The following TBC1D1 variants were observed in gnomAD, a reference collection of about 807,000 sequenced individuals.
TBC1D1 encodes the protein TBC1 (tre-2/USP6, BUB2, cdc16) domain family, member 1.
A neutral mutation model predicts 125.6 loss-of-function variants in TBC1D1; 89 were observed. That is an observed-to-expected ratio of 0.71 (90% confidence interval 0.60 to 0.85). TBC1D1 has a LOEUF of 0.85. TBC1D1 is among the 40% of genes least tolerant of loss of function. The pLI, the probability that TBC1D1 is intolerant of heterozygous loss-of-function variation, is 0.00. For missense variants in TBC1D1, 1,377 were observed against 1,469.2 expected (o/e 0.94, Z 1.03); for synonymous variants, 565 against 564.1 (o/e 1.00, Z -0.02).
At chr4:38,030,438 C>T (rs560082119) in intron 7 of TBC1D1, 5 of 152,368 alleles carry the variant, frequency 3.3e-5, no homozygotes, top group African/African-American at 1.2e-4. Flanking sequence ...AGCCGGCTCT[C>T]GCCTTGTCTT....
At position 37,902,282 on chromosome 4, in the gene TBC1D1, C is replaced by A. The variant is rs1716234603; in HGVS notation, c.187C>A (p.Gln63Lys). The A allele has an allele frequency of 6.2e-7, 1 of 1,614,114 alleles. No individual in the cohort carries two copies. The highest frequency in any genetic ancestry group is 1.1e-5 in the South Asian group (1 of 91,080). Reference sequence around the variant, plus strand: ...CACCAGAAAGGAACCTGTAACCAAGCAAGTCCGGCTTTGCGTTTCACCCTC... The same window carrying A: ...CACCAGAAAGGAACCTGTAACCAAGAAAGTCCGGCTTTGCGTTTCACCCTC... Residue 63 changes from glutamine (Q) to lysine (K), a missense_variant, in exon 2 of 20, where the codon CAA (glutamine) becomes AAA (lysine). By Grantham distance (53) the Gln-to-Lys change is moderately conservative. This residue lies in a region of TBC1D1 where 822 missense variants were observed against 824.6 expected (regional missense o/e 1.00). Transcript: ENST00000261439.
chr4:38,102,696 TA>T (rs1760583460), intron 14 of TBC1D1, among the ~76,000 whole-genome samples: 1 of 151,870 alleles, frequency 6.6e-6, no homozygotes, highest in Non-Finnish European at 1.5e-5. Flanking sequence ...CTGGACAGCA[TA>T]GTGAGACCCT....
At position 37,891,364 on chromosome 4, in the gene TBC1D1, G is replaced by A. The variant is rs2152194450; in HGVS notation, c.-94+16G>A. 6.6e-6 allele frequency: 1 copy of A among 152,462 alleles called. No individual in the cohort carries two copies. Among genetic ancestry groups the A allele is most frequent in the South Asian group, 2.1e-4 (1 of 4,834 alleles). 9.4% of individuals were successfully genotyped at this position (152,462 alleles called of 1,614,324 possible). A position where few individuals can be genotyped will look rare whatever the true frequency, so the allele number is the denominator to read the frequency against. ...CGCGGCACAGGTAAGGCGCTTCCTG[G>A]GGCTTCGTCCTGGCCACCCTGCTGG... On this transcript the variant is annotated intron_variant, in intron 1 of 19. Transcript: ENST00000261439.
At chr4:38,109,490 T>A (rs1761887335) in intron 15 of TBC1D1, among the ~76,000 whole-genome samples, 1 of 152,186 alleles carries the variant, frequency 6.6e-6, no homozygotes, top group Middle Eastern at 3.2e-3. Flanking sequence ...AATAACCAGC[T>A]CCTCTCACCC....
At chr4:38,052,122 AG>A in intron 11 of TBC1D1, 62 bp downstream of exon 12, 1 of 1,507,694 alleles carries the variant, frequency 6.6e-7, no homozygotes, top group Admixed American at 2.0e-5. Context: ...CACACTGATG[AG>A]GATGTGCTGA....
Position 38,054,171 on chromosome 4 carries a change from T to C in TBC1D1, c.1911-28T>C, listed in dbSNP as rs975570287. ...AATCCCGTGAATTCCTCCCCACTAG[T>C]CATAAATCAATCATCTTATAATTTT... On this transcript the variant is annotated intron_variant, in intron 11 of 19. Transcript: ENST00000261439. The C allele has an allele frequency of 3.7e-6, 6 of 1,609,454 alleles. No homozygotes were observed. In the African/African-American group the frequency reaches 8.0e-5, roughly 21 times the overall value.
chr4:37,997,283 A>G (rs76810352), intron 2 of TBC1D1, among the ~76,000 whole-genome samples: 11,378 of 152,270 alleles, frequency 0.075, 472 homozygotes, highest in Non-Finnish European at 0.09. Flanking sequence ...AGTCTTTTGA[A>G]TATTGCTTTT....
intron 14 of TBC1D1, among the ~76,000 whole-genome samples, chr4:38,098,654 A>G (rs1759785268): frequency 6.6e-6 from 1 of 152,242 alleles, no homozygotes; most frequent in Non-Finnish European, 1.5e-5. Flanking sequence ...TGGTTTTAAC[A>G]CATTAAGATT....
At chr4:37,980,576 C>A (rs996157928) in intron 2 of TBC1D1, among the ~76,000 whole-genome samples, 12 of 152,170 alleles carry the variant, frequency 7.9e-5, no homozygotes, top group African/African-American at 2.2e-4. Flanking sequence ...AAGATTATTG[C>A]TGGTATCTCA....
intron 6 of TBC1D1, among the ~76,000 whole-genome samples, 159 bp from the exon 7 acceptor site, chr4:38,027,629 C>T (rs371667195): frequency 5.3e-5 from 8 of 151,342 alleles, no homozygotes; most frequent in East Asian, 1.9e-4. Context: ...GAGTGGGATT[C>T]CATGTCAAAA....
chr4:38,004,578 T>A (rs781170654), intron 2 of TBC1D1, among the ~76,000 whole-genome samples: 1 of 152,152 alleles, frequency 6.6e-6, no homozygotes, highest in Non-Finnish European at 1.5e-5. Context: ...TAATTACCTA[T>A]CAGAAAGGAA....
At chr4:37,947,121 A>G (rs1196754744) in intron 2 of TBC1D1, among the ~76,000 whole-genome samples, 3 of 152,140 alleles carry the variant, frequency 2.0e-5, no homozygotes, top group African/African-American at 7.2e-5. Context: ...CCAAGTAAAG[A>G]GTACATGCTA....
chr4:38,048,080 A>C (rs1749824383), intron 10 of TBC1D1, among the ~76,000 whole-genome samples: 1 of 152,246 alleles, frequency 6.6e-6, no homozygotes. Context: ...GCAACTTTTC[A>C]GAAGCTGCTT....
chr4:38,016,912 G>T (rs1054260649), intron 3 of TBC1D1, among the ~76,000 whole-genome samples: 4 of 152,258 alleles, frequency 2.6e-5, no homozygotes, highest in African/African-American at 9.6e-5. Flanking sequence ...ATACTTGGGG[G>T]AGGGCAAGAG....
At chr4:38,125,205 G>A (rs1764450313) in intron 18 of TBC1D1, 74 bp downstream of exon 20, 6 of 1,459,540 alleles carry the variant, frequency 4.1e-6, no homozygotes, top group Middle Eastern at 3.5e-4. Context: ...CTCTTGAGCA[G>A]GAACTGTTTC....
chr4:38,051,647 T>C (rs1429769930), intron 11 of TBC1D1, among the ~76,000 whole-genome samples: 1 of 151,082 alleles, frequency 6.6e-6, no homozygotes, highest in Non-Finnish European at 1.5e-5. Flanking sequence ...AAAAAAAAAG[T>C]ATTGTTGGGA....
At chr4:37,917,596 G>T (rs1274355172) in intron 2 of TBC1D1, among the ~76,000 whole-genome samples, 2 of 152,184 alleles carry the variant, frequency 1.3e-5, no homozygotes, top group African/African-American at 4.8e-5. Flanking sequence ...GCCGCACAGG[G>T]CAGAGAGCCA....
intron 12 of TBC1D1, among the ~76,000 whole-genome samples, chr4:38,058,300 C>A (rs187873985): frequency 0.015 from 2,272 of 152,252 alleles, 27 homozygotes; most frequent in Middle Eastern, 0.037. Flanking sequence ...CACTTTGACC[C>A]ACACTAGCAG....
At chr4:38,051,361 G>A (rs115135835) in intron 11 of TBC1D1, among the ~76,000 whole-genome samples, 2,453 of 152,246 alleles carry the variant, frequency 0.016, 42 homozygotes, top group Non-Finnish European at 0.026. Context: ...TTCAGGGCAG[G>A]ATATTGTTCA....
Sources: gnomAD v4.1 joint callset for allele counts (sites outside exome capture counted in the v4.1 genomes callset) on GRCh38, gnomAD v4.1.1 for gene constraint, gnomAD v4.1.1 regional missense constraint, MANE v1.5 for transcripts, NCBI Gene and HGNC (gene_info 2026-07-23, HGNC 2026-07-21) for gene names.